The following COL23A1 variants were observed in gnomAD, a reference collection of about 807,000 sequenced individuals.
The protein encoded by COL23A1 is collagen type XXIII alpha 1 chain, also known as collagen alpha-1(XXIII) chain.
A neutral mutation model predicts 99.3 loss-of-function variants in COL23A1; 97 were observed. The observed-to-expected ratio is 0.98, with a 90% CI of 0.83 to 1.16. COL23A1 has a LOEUF of 1.16. COL23A1 is among the 50% of genes most tolerant of loss of function. COL23A1 has a pLI of 0.00. For missense variants in COL23A1, 762 were observed against 757.4 expected (o/e 1.01, Z -0.07); for synonymous variants, 320 against 308.2 (o/e 1.04, Z -0.40).
At chr5:178,331,080 G>A (rs946587612) in intron 2 of COL23A1, among the ~76,000 whole-genome samples, 1 of 152,200 alleles carries the variant, frequency 6.6e-6, no homozygotes, top group African/African-American at 2.4e-5. Flanking sequence ...ATAAGTATTG[G>A]CTGAATAAGT....
At chr5:178,568,239 GGAAGAGACTAA>G (rs1762928755) in intron 1 of COL23A1, among the ~76,000 whole-genome samples, 1 of 152,174 alleles carries the variant, frequency 6.6e-6, no homozygotes, top group South Asian at 2.1e-4. Context: ...GTCATAGATT[GGAAGAGACTAA>G]GAAGACAGCA....
intron 2 of COL23A1, among the ~76,000 whole-genome samples, chr5:178,558,758 T>C (rs769037211): frequency 3.3e-5 from 5 of 151,952 alleles, no homozygotes; most frequent in Non-Finnish European, 7.4e-5. Context: ...CATTTGTGGA[T>C]GTGAATTTTT....
chr5:178,273,618 G>A (rs960772870), intron 5 of COL23A1, among the ~76,000 whole-genome samples: 4 of 152,236 alleles, frequency 2.6e-5, no homozygotes, highest in African/African-American at 9.6e-5. Flanking sequence ...GCCTGTGCCT[G>A]CACCGGCACT....
rs767308301 is a variant in COL23A1, at chr5:178,307,038, C to T, written c.362-119G>A. 19 of 631,972 alleles carry T rather than the reference C, an allele frequency of 3.0e-5. No individual in the cohort carries two copies. Among genetic ancestry groups the T allele is most frequent in the Admixed American group, 2.1e-4 (5 of 24,062 alleles). 39.1% of individuals were successfully genotyped at this position (631,972 alleles called of 1,614,324 possible). A position where few individuals can be genotyped will look rare whatever the true frequency, so the allele number is the denominator to read the frequency against. On this transcript the variant is annotated intron_variant, in intron 2 of 28. Coordinates refer to ENST00000390654, the MANE Select transcript of COL23A1 (RefSeq NM_173465.4). The surrounding 1 kb of genome is among the most constrained non-coding windows in gnomAD (Gnocchi z 4.2). Reference sequence around the variant, plus strand: ...AACAGCTTTCTGGGAGTGGCCTGCCCGAGGGGGTCTGCTGGCTGTGGAGGG... The same window carrying T: ...AACAGCTTTCTGGGAGTGGCCTGCCTGAGGGGGTCTGCTGGCTGTGGAGGG...
At position 178,441,705 on chromosome 5, in the gene COL23A1, G is replaced by A. The variant is rs13356736; in HGVS notation, c.361+118977C>T. Among the ~76,000 whole-genome samples the A allele has an allele frequency of 9.1e-3, 1,378 of 152,200 alleles. 30 individuals carry two copies. The highest frequency in any genetic ancestry group is 0.031 in the African/African-American group (1,272 of 41,508). On this transcript the variant is annotated intron_variant, in intron 2 of 28. Coordinates refer to ENST00000390654, the MANE Select transcript of COL23A1 (RefSeq NM_173465.4). ...AATAGTCAAGGAACCCCTAACAGACGACACGGGGTGACGACGCGGGGTGAT... is the reference window on the plus strand; with the variant it reads ...AATAGTCAAGGAACCCCTAACAGACAACACGGGGTGACGACGCGGGGTGAT...
At chr5:178,577,440 A>G (rs1763433252) in intron 1 of COL23A1, among the ~76,000 whole-genome samples, 1 of 152,218 alleles carries the variant, frequency 6.6e-6, no homozygotes, top group African/African-American at 2.4e-5. Flanking sequence ...AAGGAGGCAC[A>G]CGATTCAGCC....
intron 5 of COL23A1, among the ~76,000 whole-genome samples, chr5:178,284,747 A>AT (rs1757068211): frequency 6.6e-6 from 1 of 152,228 alleles, no homozygotes; most frequent in Admixed American, 6.5e-5. Flanking sequence ...GAAAAGTCTC[A>AT]TGCTATATTT....
At chr5:178,337,581 C>T (rs1760412942) in intron 2 of COL23A1, among the ~76,000 whole-genome samples, 2 of 152,114 alleles carry the variant, frequency 1.3e-5, no homozygotes, top group Admixed American at 1.3e-4. Flanking sequence ...CAGGGCCAGA[C>T]TCCCTGCTCT....
intron 2 of COL23A1, among the ~76,000 whole-genome samples, chr5:178,430,082 A>G (rs1766175065): frequency 6.6e-6 from 1 of 152,182 alleles, no homozygotes; most frequent in Non-Finnish European, 1.5e-5. Flanking sequence ...GTGCACCTGG[A>G]AAGACCCACG....
chr5:178,461,057 A>C (rs1052421298), intron 2 of COL23A1, among the ~76,000 whole-genome samples: 1 of 152,206 alleles, frequency 6.6e-6, no homozygotes, highest in Non-Finnish European at 1.5e-5. Context: ...AACAGAAACA[A>C]GCCACTTTAC....
At chr5:178,385,159 C>G (rs1182292287) in intron 2 of COL23A1, among the ~76,000 whole-genome samples, 1 of 152,164 alleles carries the variant, frequency 6.6e-6, no homozygotes, top group Non-Finnish European at 1.5e-5. Context: ...CTCCTGGGCT[C>G]TCACTCCTCA....
intron 2 of COL23A1, among the ~76,000 whole-genome samples, chr5:178,417,502 C>T (rs1048393235): frequency 6.6e-6 from 1 of 152,218 alleles, no homozygotes; most frequent in Non-Finnish European, 1.5e-5. Context: ...ATTCTGGATT[C>T]TCCCTCTGGG....
intron 25 of COL23A1, among the ~76,000 whole-genome samples, chr5:178,245,053 C>A (rs932227369): frequency 7.2e-6 from 1 of 139,164 alleles, no homozygotes; most frequent in South Asian, 2.3e-4. Context: ...CATCTATCAT[C>A]CATCCATCCA....
intron 2 of COL23A1, among the ~76,000 whole-genome samples, chr5:178,350,498 G>A (rs183541883): frequency 5.1e-4 from 78 of 152,250 alleles, no homozygotes; most frequent in African/African-American, 1.3e-3. Flanking sequence ...TGGGCCCAGC[G>A]CGATGTCAGG....
chr5:178,379,391 G>T (rs1763252811), intron 2 of COL23A1, among the ~76,000 whole-genome samples: 1 of 152,194 alleles, frequency 6.6e-6, no homozygotes, highest in South Asian at 2.1e-4. Flanking sequence ...GTGTGTACAT[G>T]CAGAGAAAGA....
At chr5:178,388,190 G>T (rs976942925) in intron 2 of COL23A1, among the ~76,000 whole-genome samples, 1 of 152,210 alleles carries the variant, frequency 6.6e-6, no homozygotes, top group South Asian at 2.1e-4. Context: ...CTCCTGAAAT[G>T]TAAGTCTCCC....
At chr5:178,410,203 A>G (rs1764988509) in intron 2 of COL23A1, among the ~76,000 whole-genome samples, 1 of 152,236 alleles carries the variant, frequency 6.6e-6, no homozygotes, top group African/African-American at 2.4e-5. Context: ...ATTTACATAG[A>G]GCAAAATGAG....
At chr5:178,298,660 G>A (rs958656687) in intron 3 of COL23A1, among the ~76,000 whole-genome samples, 1 of 152,148 alleles carries the variant, frequency 6.6e-6, no homozygotes, top group African/African-American at 2.4e-5. Context: ...CATTCAGCCA[G>A]CTCAGGTAAG....
chr5:178,278,446 G>A (rs1300540646), intron 5 of COL23A1, among the ~76,000 whole-genome samples: 2 of 152,252 alleles, frequency 1.3e-5, no homozygotes, highest in Non-Finnish European at 2.9e-5. Flanking sequence ...AATGTTGGAA[G>A]ATGTGGTAGT....
Sources: allele counts gnomAD v4.1 joint callset (sites outside exome capture counted in the v4.1 genomes callset), GRCh38; gene constraint gnomAD v4.1.1; non-coding constraint Gnocchi (gnomAD v3.1); transcripts MANE v1.5; gene names NCBI Gene and HGNC (gene_info 2026-07-23, HGNC 2026-07-21).